The following MBNL2 variants were observed in gnomAD, a reference collection of about 807,000 sequenced individuals.
MBNL2 encodes the protein muscleblind like splicing regulator 2, also known as muscleblind-like protein 2.
Under a neutral mutation model 41.9 loss-of-function variants are expected in MBNL2, and 17 were observed. The ratio of observed to expected loss-of-function variants is 0.41; its 90% CI spans 0.28 to 0.61. The LOEUF (loss-of-function observed/expected upper bound fraction) is 0.61, where lower values mean the gene tolerates loss of function less well. Among genes scored for constraint, MBNL2 ranks in the 20% least tolerant of loss-of-function variants. The probability of loss-of-function intolerance (pLI) is 0.35; values close to 1 mark genes in which losing one functional copy is unlikely to be tolerated. For synonymous variants in MBNL2, 195 were observed against 182.9 expected (o/e 1.07, Z -0.53); for missense variants, 336 against 505.6 (o/e 0.66, Z 3.22).
At chr13:97,329,636 AACAC>A (rs796555836) in intron 2 of MBNL2, among the ~76,000 whole-genome samples, 29 of 150,968 alleles carry the variant, frequency 1.9e-4, no homozygotes, top group East Asian at 7.7e-4. Flanking sequence ...CTAGACACAC[AACAC>A]ACACACAATA....
intron 8 of MBNL2, among the ~76,000 whole-genome samples, chr13:97,379,356 A>G (rs1406385521): frequency 1.3e-5 from 2 of 152,176 alleles, no homozygotes; most frequent in Non-Finnish European, 2.9e-5. Flanking sequence ...AAAAGAGTCT[A>G]TCAAAAAGAG....
At chr13:97,291,917 A>AAAAAAAAAAAAAAAAAAAAT (rs398070410) in intron 2 of MBNL2, among the ~76,000 whole-genome samples, 1 of 125,312 alleles carries the variant, frequency 8.0e-6, no homozygotes, top group African/African-American at 3.1e-5. Context: ...AAAAAAAAAA[A>AAAAAAAAAAAAAAAAAAAAT]GTGGGCTGGG....
At chr13:97,190,442 G>A in the MBNL2 span, among the ~76,000 whole-genome samples, 3 of 152,142 alleles carry the variant, frequency 2.0e-5, no homozygotes, top group African/African-American at 4.8e-5. Context: ...ACATGAGATC[G>A]GAAGAGGTAA....
rs183185213 is a variant in MBNL2 at position 97,244,187 on chromosome 13, G to A, written c.-605+21656G>A. The stretch of plus-strand genomic sequence containing the variant: ...TGTAAAATTCCAATGTGATTCTTTA[G>A]TCATATTTAATTTCAAATATTATCA... On this transcript the variant is annotated intron_variant, in intron 1 of 8. Coordinates refer to ENST00000679496, the MANE Select transcript of MBNL2 (RefSeq NM_001382683.1). Among the ~76,000 whole-genome samples, 247 of 152,280 alleles carry A rather than the reference G, an allele frequency of 1.6e-3. 2 individuals carry two copies. Among genetic ancestry groups the A allele is most frequent in the African/African-American group, 5.8e-3 (240 of 41,542 alleles).
chr13:97,275,533 CTG>C (rs1448879655), intron 1 of MBNL2, 97 bp from the exon 2 acceptor site: 13 of 152,170 alleles, frequency 8.5e-5, no homozygotes, highest in African/African-American at 2.7e-4. Flanking sequence ...AAGCTCTAAA[CTG>C]TGCTTTTGCA....
chr13:97,363,418 CTGTGTGTGTGTGTGTGTGTGTGTGTGTG>C (rs55745808), intron 7 of MBNL2, among the ~76,000 whole-genome samples: 1 of 136,646 alleles, frequency 7.3e-6, no homozygotes, highest in Non-Finnish European at 1.6e-5. Flanking sequence ...GAAAGAAAAA[CTGTGTGTGTGTGTGTGTGTGTGTGTGTG>C]TGTGTGTGTG....
At chr13:97,364,479 C>T (rs1184182271) in intron 7 of MBNL2, among the ~76,000 whole-genome samples, 1 of 152,200 alleles carries the variant, frequency 6.6e-6, no homozygotes, top group African/African-American at 2.4e-5. Context: ...GTAAGAACCT[C>T]AGTCTTCTTA....
chr13:97,226,741 T>A (rs190469151), intron 1 of MBNL2, among the ~76,000 whole-genome samples: 4 of 152,222 alleles, frequency 2.6e-5, no homozygotes, highest in Non-Finnish European at 5.9e-5. Context: ...AGATGAGCAA[T>A]AGATAGATAA....
the MBNL2 span, among the ~76,000 whole-genome samples, chr13:97,207,874 G>A: frequency 6.6e-6 from 1 of 152,198 alleles, no homozygotes; most frequent in African/African-American, 2.4e-5. Flanking sequence ...GGAGGTACAG[G>A]CAGTGGGAGA....
chr13:97,347,918 A>T (rs1432125907), intron 5 of MBNL2, among the ~76,000 whole-genome samples: 2 of 152,164 alleles, frequency 1.3e-5, no homozygotes. Context: ...GGTGTTTTGT[A>T]TGCACATTAA....
chr13:97,166,171 G>A, the MBNL2 span, among the ~76,000 whole-genome samples: 16 of 152,308 alleles, frequency 1.1e-4, no homozygotes, highest in South Asian at 3.3e-3. Context: ...ATTAGGGGCA[G>A]ACATGGACTT....
chr13:97,380,794 T>C (rs910879896), intron 8 of MBNL2, among the ~76,000 whole-genome samples: 8 of 152,092 alleles, frequency 5.3e-5, no homozygotes, highest in African/African-American at 1.9e-4. Context: ...CCTCTAAACA[T>C]TTTCCTCCTT....
Position 97,276,259 on chromosome 13 carries a change from C to A in MBNL2, c.24C>A (p.Val8=). The change falls in exon 2 of 9, where the codon GTC becomes GTA. Residue 8 remains valine, a synonymous_variant. Coordinates refer to ENST00000679496, the MANE Select transcript of MBNL2 (RefSeq NM_001382683.1). Reference sequence around the variant, plus strand: ...CCATGGCTTTGAACGTTGCCCCAGTCAGAGATACAAAATGGCTGACATTAG... The same window carrying A: ...CCATGGCTTTGAACGTTGCCCCAGTAAGAGATACAAAATGGCTGACATTAG... MALNVAP[V]RDTKWLTLEV... The A allele has an allele frequency of 6.2e-7, 1 of 1,613,734 alleles. No individual in the cohort carries two copies. Among genetic ancestry groups the A allele is most frequent in the Non-Finnish European group, 8.5e-7 (1 of 1,179,752 alleles).
chr13:97,339,584 G>C (rs1367423123), intron 3 of MBNL2, among the ~76,000 whole-genome samples: 1 of 152,114 alleles, frequency 6.6e-6, no homozygotes, highest in East Asian at 1.9e-4. Context: ...TGTAGTTGGT[G>C]CGCTTCCAGG....
In MBNL2 at chr13:97,252,851, C is replaced by G. The variant is rs180878279; in HGVS notation, c.-604-22781C>G. On this transcript the variant is annotated intron_variant, in intron 1 of 8. Transcript: ENST00000679496. Reference sequence around the variant, plus strand: ...AACATTTTCTCCTCTTTTCCAGTAGCTATGCCATATATTACTGTTACATGT... The same window carrying G: ...AACATTTTCTCCTCTTTTCCAGTAGGTATGCCATATATTACTGTTACATGT... 1.4e-4 allele frequency among the ~76,000 whole-genome samples: 22 copies of G among 152,306 alleles called. No homozygotes were observed. The East Asian group carries it at 4.2e-3, about 29-fold the overall frequency.
At chr13:97,340,752 C>A (rs2061382980) in intron 3 of MBNL2, among the ~76,000 whole-genome samples, 1 of 152,128 alleles carries the variant, frequency 6.6e-6, no homozygotes, top group Non-Finnish European at 1.5e-5. Context: ...ATTACTATTT[C>A]TCTGTGAACT....
chr13:97,378,547 A>C (rs2065159146), intron 8 of MBNL2, among the ~76,000 whole-genome samples: 1 of 152,230 alleles, frequency 6.6e-6, no homozygotes, highest in East Asian at 1.9e-4. Context: ...TTGACAGTCA[A>C]TACTTTCAGG....
chr13:97,232,045 C>T (rs1253328142), intron 1 of MBNL2, among the ~76,000 whole-genome samples: 1 of 152,110 alleles, frequency 6.6e-6, no homozygotes, highest in African/African-American at 2.4e-5. Flanking sequence ...ATGCCATTAA[C>T]ATCGCATTTA....
At chr13:97,232,468 A>G (rs543005755) in intron 1 of MBNL2, among the ~76,000 whole-genome samples, 99 of 152,330 alleles carry the variant, frequency 6.5e-4, no homozygotes, top group South Asian at 1.2e-3. Context: ...AGCTTCCTGT[A>G]TATCAACTCA....
Sources: allele counts gnomAD v4.1 joint callset (sites outside exome capture counted in the v4.1 genomes callset), GRCh38; gene constraint gnomAD v4.1.1; transcripts MANE v1.5; gene names NCBI Gene and HGNC (gene_info 2026-07-23, HGNC 2026-07-21).